The following RYR3 variants were observed in gnomAD, a reference collection of about 807,000 sequenced individuals.
RYR3 encodes ryanodine receptor 3.
A neutral mutation model predicts 584.3 loss-of-function variants in RYR3; 207 were observed. The observed-to-expected ratio is 0.35, with a 90% CI of 0.32 to 0.40. The LOEUF is 0.40. Among genes scored for constraint, RYR3 ranks in the 10% least tolerant of loss-of-function variants. The pLI is 1.00. For synonymous variants in RYR3, 2,416 were observed against 2,248.5 expected (o/e 1.07, Z -2.11); for missense variants, 5,616 against 6,089.2 (o/e 0.92, Z 2.59).
chr15:33,519,120 A>G (rs557274010), intron 3 of RYR3, among the ~76,000 whole-genome samples: 43 of 152,122 alleles, frequency 2.8e-4, no homozygotes, highest in African/African-American at 1.0e-3. Context: ...GTGGGGAGGG[A>G]GGTCTAGAAT....
At chr15:33,571,957 T>C (rs1469049794) in intron 12 of RYR3, among the ~76,000 whole-genome samples, 1 of 152,182 alleles carries the variant, frequency 6.6e-6, no homozygotes, top group Non-Finnish European at 1.5e-5. Context: ...TTAAAAATAC[T>C]TTTTTGAGGA....
At chr15:33,515,227 C>T (rs1205689888) in intron 3 of RYR3, among the ~76,000 whole-genome samples, 2 of 152,182 alleles carry the variant, frequency 1.3e-5, no homozygotes, top group East Asian at 1.9e-4. Context: ...TGTAAAACCT[C>T]ACCTCCACAA....
chr15:33,601,671 C>A lies in RYR3; in HGVS notation c.1922+119C>A, dbSNP rs1595784165. 14 of 1,058,316 alleles carry A rather than the reference C, an allele frequency of 1.3e-5. No homozygotes were observed. In the East Asian group the frequency reaches 3.6e-4, roughly 27 times the overall value. The allele number at this position is 1,058,316 out of a possible 1,614,324, so 65.6% of individuals were successfully genotyped here. On this transcript the variant is annotated intron_variant, in intron 17 of 103. Coordinates refer to ENST00000634891, the MANE Select transcript of RYR3 (RefSeq NM_001036.6). The stretch of plus-strand genomic sequence containing the variant: ...CCCACCCATTGTTTCCATGGTGATA[C>A]AAGTACATAAGACAAGACCAAGCAA...
At chr15:33,516,451 C>T (rs558454719) in intron 3 of RYR3, among the ~76,000 whole-genome samples, 3 of 151,858 alleles carry the variant, frequency 2.0e-5, no homozygotes, top group Admixed American at 6.6e-5. Flanking sequence ...TCAGGTGATT[C>T]TCCTGCCTCA....
chr15:33,504,922 T>G (rs538128404), intron 3 of RYR3, among the ~76,000 whole-genome samples: 1 of 152,244 alleles, frequency 6.6e-6, no homozygotes, highest in Non-Finnish European at 1.5e-5. Flanking sequence ...AGTTATTAGA[T>G]GAGTTGAGAA....
intron 66 of RYR3, 72 bp from the exon 67 acceptor site, chr15:33,788,146 T>G: frequency 6.3e-7 from 1 of 1,593,206 alleles, no homozygotes; most frequent in South Asian, 1.1e-5. Context: ...GGCCTCACCT[T>G]TCAGTCATGT....
chr15:33,767,470 T>C (rs1040568607), intron 60 of RYR3, among the ~76,000 whole-genome samples: 4 of 152,182 alleles, frequency 2.6e-5, no homozygotes, highest in Non-Finnish European at 5.9e-5. Context: ...TAACTAGCCA[T>C]GGGAACTTTT....
In RYR3 at chr15:33,830,954, T is replaced by G; in HGVS notation, c.11335-9T>G. On this transcript the variant is annotated splice_polypyrimidine_tract_variant and intron_variant, in intron 85 of 103. Transcript: ENST00000634891. ...TGAGAAATACTAAGCTCTACTCATTTGTTTTTAGGAATCAATCAGTGATTT... is the reference window on the plus strand; with the variant it reads ...TGAGAAATACTAAGCTCTACTCATTGGTTTTTAGGAATCAATCAGTGATTT... 6.2e-7 allele frequency: 1 copy of G among 1,612,782 alleles called. No homozygotes were observed. Among genetic ancestry groups the G allele is most frequent in the African/African-American group, 1.3e-5 (1 of 75,042 alleles).
At chr15:33,363,855 A>G (rs990000793) in intron 1 of RYR3, among the ~76,000 whole-genome samples, 3 of 152,152 alleles carry the variant, frequency 2.0e-5, no homozygotes, top group South Asian at 2.1e-4. Context: ...AATGGAATTT[A>G]AAATTTTATT....
intron 1 of RYR3, among the ~76,000 whole-genome samples, chr15:33,327,990 C>T (rs1043286943): frequency 7.2e-5 from 11 of 152,158 alleles, no homozygotes; most frequent in African/African-American, 2.7e-4. Context: ...ATGGGAATGA[C>T]TTGTTTTCAA....
At position 33,821,313 on chromosome 15, in the gene RYR3, G is replaced by A. The variant is rs1378141479; in HGVS notation, c.10859G>A (p.Arg3620Gln). Reference sequence around the variant, plus strand: ...CAAAAAACCCTCTATCAGCAAGCTCGGCTGCATGAGCGTGGTGCTGCAGAG... The same window carrying A: ...CAAAAAACCCTCTATCAGCAAGCTCAGCTGCATGAGCGTGGTGCTGCAGAG... ...EKQKTLYQQA[R>Q]LHERGAAEMV... The change falls in exon 79 of 104, where the codon CGG (arginine) becomes CAG (glutamine). Residue 3620 changes from arginine (R) to glutamine (Q), a missense_variant. By Grantham distance (43) the Arg-to-Gln change is conservative. Transcript: ENST00000634891. 6 of 1,603,846 alleles carry A rather than the reference G, an allele frequency of 3.7e-6. No individual in the cohort carries two copies. Among genetic ancestry groups the A allele is most frequent in the African/African-American group, 2.7e-5 (2 of 74,690 alleles).
At chr15:33,644,148 T>A (rs943235862) in intron 27 of RYR3, among the ~76,000 whole-genome samples, 163 bp from the exon 28 acceptor site, 1 of 152,184 alleles carries the variant, frequency 6.6e-6, no homozygotes, top group Non-Finnish European at 1.5e-5. Flanking sequence ...TGTGGCCTCC[T>A]GTTGTTGATT....
intron 67 of RYR3, among the ~76,000 whole-genome samples, chr15:33,794,347 A>ATATATAT (rs1453088029): frequency 1.3e-5 from 1 of 74,534 alleles, no homozygotes; most frequent in African/African-American, 3.9e-5. Context: ...ATATATATAA[A>ATATATAT]AATATATATA....
chr15:33,539,756 A>C (rs1358814972), intron 6 of RYR3, among the ~76,000 whole-genome samples: 3 of 151,870 alleles, frequency 2.0e-5, no homozygotes, highest in Non-Finnish European at 4.4e-5. Flanking sequence ...TATATGATAT[A>C]TGTATTATAT....
intron 32 of RYR3, among the ~76,000 whole-genome samples, chr15:33,658,915 T>C (rs2062981389): frequency 6.6e-6 from 1 of 151,478 alleles, no homozygotes; most frequent in Admixed American, 6.6e-5. Context: ...TGGAGAGGAG[T>C]CCAGAGGAAC....
At chr15:33,448,886 A>G (rs1178131202) in intron 1 of RYR3, among the ~76,000 whole-genome samples, 1 of 151,934 alleles carries the variant, frequency 6.6e-6, no homozygotes, top group African/African-American at 2.4e-5. Context: ...GGCTGCCTGG[A>G]GTGTGGGGGA....
intron 46 of RYR3, among the ~76,000 whole-genome samples, chr15:33,728,635 C>G (rs996674876): frequency 2.6e-5 from 4 of 152,206 alleles, no homozygotes; most frequent in Non-Finnish European, 4.4e-5. Context: ...ATCCAGAATA[C>G]TCATGAGCAT....
At position 33,864,984 on chromosome 15, in the gene RYR3, G is replaced by C. The variant is rs78729118; in HGVS notation, c.14518-147G>C. The C allele has an allele frequency of 6.8e-5, 41 of 601,424 alleles. 1 individual carries two copies. In the East Asian group the frequency reaches 1.1e-3, roughly 16 times the overall value. 37.3% of individuals were successfully genotyped at this position (601,424 alleles called of 1,614,324 possible). ...CTTGCTTCCCAAACAGCCTGTGCTG[G>C]GAATAGAGCAAGAATGAATGTGCAG... is the stretch of plus-strand genomic sequence containing the variant. On this transcript the variant is annotated intron_variant, in intron 103 of 103. Transcript: ENST00000634891.
At chr15:33,421,839 A>G (rs1415808839) in intron 1 of RYR3, among the ~76,000 whole-genome samples, 3 of 152,240 alleles carry the variant, frequency 2.0e-5, no homozygotes, top group South Asian at 4.1e-4. Context: ...TGTCAGATGT[A>G]GAAGCAGAAC....
Sources: gnomAD v4.1 joint callset for allele counts (sites outside exome capture counted in the v4.1 genomes callset) on GRCh38, gnomAD v4.1.1 for gene constraint, MANE v1.5 for transcripts, NCBI Gene and HGNC (gene_info 2026-07-23, HGNC 2026-07-21) for gene names.